Variants in FKBP5 observed in about 807,000 individuals in gnomAD.
FKBP5 encodes FKBP prolyl isomerase 5.
Under a neutral mutation model 50.5 loss-of-function variants are expected in FKBP5, and 23 were observed. That is an observed-to-expected ratio of 0.46 (90% CI 0.33 to 0.65). The LOEUF (loss-of-function observed/expected upper bound fraction) is 0.65, where lower values mean the gene tolerates loss of function less well. FKBP5 is among the 30% of genes least tolerant of loss of function. The probability of loss-of-function intolerance (pLI) is 0.02; values close to 1 mark genes in which losing one functional copy is unlikely to be tolerated. For missense variants in FKBP5, 411 were observed against 553.1 expected (o/e 0.74, Z 2.58); for synonymous variants, 176 against 190.6 (o/e 0.92, Z 0.63).
chr6:35,585,836 A>G, intron 8 of FKBP5: 1 of 985,364 alleles, frequency 1.0e-6, no homozygotes, highest in Non-Finnish European at 1.2e-6. Flanking sequence ...CTCAGCTCAA[A>G]TTCTGAAAAC....
intron 1 of FKBP5, among the ~76,000 whole-genome samples, chr6:35,721,473 T>C (rs1382545754): frequency 6.6e-6 from 1 of 152,106 alleles, no homozygotes; most frequent in East Asian, 1.9e-4. Context: ...CTTTTTTTTT[T>C]AGATGGAGTT....
At chr6:35,689,972 C>T (rs1224232739), upstream of FKBP5, among the ~76,000 whole-genome samples, 2 of 152,186 alleles carry the variant, frequency 1.3e-5, no homozygotes, top group Admixed American at 1.3e-4. Flanking sequence ...CTCTAATCAA[C>T]TCTCTCATTT....
intron 2 of FKBP5, among the ~76,000 whole-genome samples, chr6:35,704,675 A>C (rs187639919): frequency 2.0e-5 from 3 of 151,702 alleles, no homozygotes; most frequent in African/African-American, 7.3e-5. Context: ...GAGGTACAAA[A>C]ATACTTACTG....
intron 1 of FKBP5, among the ~76,000 whole-genome samples, chr6:35,681,038 G>A (rs966390173): frequency 3.3e-5 from 5 of 152,170 alleles, no homozygotes; most frequent in African/African-American, 7.2e-5. Context: ...ACATATACAT[G>A]AAGACAAAAG....
intron 3 of FKBP5, among the ~76,000 whole-genome samples, chr6:35,632,069 A>G (rs1288317018): frequency 1.3e-5 from 2 of 151,914 alleles, no homozygotes; most frequent in African/African-American, 4.8e-5. Flanking sequence ...AAAGAACAGA[A>G]CCCCTATTAT....
intron 7 of FKBP5, among the ~76,000 whole-genome samples, chr6:35,589,692 C>A (rs564775727): frequency 6.6e-6 from 1 of 152,144 alleles, no homozygotes; most frequent in Non-Finnish European, 1.5e-5. Flanking sequence ...TAACCACATG[C>A]TAAAGATTAT....
intron 8 of FKBP5, chr6:35,585,568 A>G (rs73746493): frequency 0.025 from 24,701 of 984,888 alleles, 411 homozygotes; most frequent in African/African-American, 0.073. Context: ...CCCAATTCTG[A>G]GCTTATTCTA....
chr6:35,665,432 C>G (rs576213036), intron 1 of FKBP5, among the ~76,000 whole-genome samples: 10 of 151,894 alleles, frequency 6.6e-5, no homozygotes, highest in African/African-American at 2.2e-4. Context: ...GGACTACAGG[C>G]GCGTGCCACC....
chr6:35,626,923 A>C (rs1764016229), intron 3 of FKBP5, among the ~76,000 whole-genome samples: 1 of 152,214 alleles, frequency 6.6e-6, no homozygotes, highest in Non-Finnish European at 1.5e-5. Context: ...GCTGTTAATA[A>C]TGCTGCTACA....
intron 5 of FKBP5, among the ~76,000 whole-genome samples, chr6:35,610,371 C>T (rs1395274602): frequency 2.0e-5 from 3 of 151,764 alleles, no homozygotes; most frequent in Admixed American, 1.3e-4. Context: ...TCGAGACCAT[C>T]CTGGCTAACA....
chr6:35,680,584 T>A (rs989114256), intron 1 of FKBP5, among the ~76,000 whole-genome samples: 1 of 152,222 alleles, frequency 6.6e-6, no homozygotes, highest in Non-Finnish European at 1.5e-5. Flanking sequence ...ATTGATTTAA[T>A]CTAAATCAAA....
intron 5 of FKBP5, among the ~76,000 whole-genome samples, chr6:35,606,952 G>A (rs536992477): frequency 6.6e-6 from 1 of 152,170 alleles, no homozygotes; most frequent in East Asian, 1.9e-4. Context: ...GTGTTTGTTT[G>A]TTTTTTGAGA....
At chr6:35,607,035 G>A (rs987296897) in intron 5 of FKBP5, among the ~76,000 whole-genome samples, 1 of 152,050 alleles carries the variant, frequency 6.6e-6, no homozygotes, top group Admixed American at 6.6e-5. Flanking sequence ...CCACCTCCCA[G>A]GTTCAAGCAA....
intron 2 of FKBP5, among the ~76,000 whole-genome samples, chr6:35,708,112 G>T (rs1433632742): frequency 9.9e-5 from 15 of 152,166 alleles, no homozygotes; most frequent in Admixed American, 9.8e-4. Flanking sequence ...TCCACTTCTA[G>T]GAATTTTTCC....
At chr6:35,590,944 C>A (rs1334459645) in intron 7 of FKBP5, among the ~76,000 whole-genome samples, 186 bp downstream of exon 7, 4 of 150,964 alleles carry the variant, frequency 2.6e-5, no homozygotes. Context: ...GGAGCTCCTT[C>A]GTTGTATATC....
rs138726652 is a variant in FKBP5, at chr6:35,606,326, T to C, written c.509-8922A>G. ...AGAGAAATGCAAATCAAAACCACAATGAGATACCATCTCACAACTGAGTCA... is the reference window on the plus strand; with the variant it reads ...AGAGAAATGCAAATCAAAACCACAACGAGATACCATCTCACAACTGAGTCA... On this transcript the variant is annotated intron_variant, in intron 5 of 10. Transcript: ENST00000357266. Among the ~76,000 whole-genome samples the C allele has an allele frequency of 1.4e-3, 212 of 151,956 alleles. 1 individual carries two copies. Among genetic ancestry groups the C allele is most frequent in the African/African-American group, 5.0e-3 (207 of 41,410 alleles).
chr6:35,652,710 T>C (rs1217623926), intron 1 of FKBP5, among the ~76,000 whole-genome samples: 1 of 152,210 alleles, frequency 6.6e-6, no homozygotes, highest in Admixed American at 6.5e-5. Flanking sequence ...TGTCCTGTGG[T>C]CCTGTGATCT....
chr6:35,652,905 T>A (rs1283390039), intron 1 of FKBP5, among the ~76,000 whole-genome samples: 1 of 152,158 alleles, frequency 6.6e-6, no homozygotes, highest in African/African-American at 2.4e-5. Flanking sequence ...ACGCCCAGCT[T>A]TAAAATTTCT....
chr6:35,670,929 C>A (rs1292238629), intron 1 of FKBP5, among the ~76,000 whole-genome samples: 2 of 151,542 alleles, frequency 1.3e-5, no homozygotes, highest in African/African-American at 2.4e-5. Flanking sequence ...ATGGTAATAC[C>A]AAAGTTTGTT....
Sources: allele counts gnomAD v4.1 joint callset (sites outside exome capture counted in the v4.1 genomes callset), GRCh38; gene constraint gnomAD v4.1.1; transcripts MANE v1.5; gene names NCBI Gene and HGNC (gene_info 2026-07-23, HGNC 2026-07-21).